Variants in NRXN3 observed in about 807,000 individuals in gnomAD.
NRXN3 encodes the protein neurexin III.
Under a neutral mutation model 137.6 loss-of-function variants are expected in NRXN3, and 32 were observed. That is an observed-to-expected ratio of 0.23 (90% confidence interval 0.18 to 0.31). NRXN3 has a LOEUF of 0.31. Ranked by LOEUF, NRXN3 falls within the 10% of genes least tolerant of loss-of-function variation. The pLI, the probability that NRXN3 is intolerant of heterozygous loss-of-function variation, is 1.00. For synonymous variants in NRXN3, 798 were observed against 784.5 expected, an observed-to-expected ratio of 1.02 and a Z score of -0.29; for missense variants, 1,574 against 2,062.5, an observed-to-expected ratio of 0.76 and a Z score of 4.59.
chr14:78,956,353 A>T (rs1264207463), intron 10 of NRXN3, among the ~76,000 whole-genome samples: 1 of 152,178 alleles, frequency 6.6e-6, no homozygotes, highest in East Asian at 1.9e-4. Context: ...TAACTGGATC[A>T]TTTTAATGCC....
At chr14:78,690,601 A>C (rs954274596) in intron 6 of NRXN3, among the ~76,000 whole-genome samples, 2 of 152,198 alleles carry the variant, frequency 1.3e-5, no homozygotes, top group African/African-American at 2.4e-5. Flanking sequence ...TCTTAAATAG[A>C]ACCAGTGTCA....
At chr14:79,733,548 A>G (rs2098931483) in intron 19 of NRXN3, among the ~76,000 whole-genome samples, 1 of 152,134 alleles carries the variant, frequency 6.6e-6, no homozygotes, top group Non-Finnish European at 1.5e-5. Flanking sequence ...ATCACTTAAC[A>G]CGATCGGAGG....
At chr14:78,778,525 A>G (rs1322576321) in intron 8 of NRXN3, among the ~76,000 whole-genome samples, 2 of 152,174 alleles carry the variant, frequency 1.3e-5, no homozygotes, top group Non-Finnish European at 1.5e-5. Flanking sequence ...AGCAGATCTG[A>G]AATAGAAATA....
intron 2 of NRXN3, among the ~76,000 whole-genome samples, chr14:78,264,004 C>T (rs990383306): frequency 5.9e-5 from 9 of 151,774 alleles, no homozygotes; most frequent in African/African-American, 2.2e-4. Context: ...CAACTAACGT[C>T]AGTCCCTTTC....
intron 16 of NRXN3, among the ~76,000 whole-genome samples, chr14:79,610,083 A>T (rs2098080569): frequency 6.6e-6 from 1 of 152,204 alleles, no homozygotes; most frequent in Admixed American, 6.5e-5. Flanking sequence ...TGTATCCCAG[A>T]ACTTAAAGTA....
chr14:78,834,244 T>C (rs563469858), intron 10 of NRXN3, among the ~76,000 whole-genome samples: 94 of 152,258 alleles, frequency 6.2e-4, no homozygotes, highest in African/African-American at 2.2e-3. Flanking sequence ...GATTCCGTTA[T>C]GTATTGCAAA....
intron 16 of NRXN3, among the ~76,000 whole-genome samples, chr14:79,656,339 C>A (rs1286465501): frequency 6.6e-6 from 1 of 152,232 alleles, no homozygotes; most frequent in Admixed American, 6.5e-5. Context: ...AGGGCTGGGG[C>A]ACCTATGGAA....
intron 15 of NRXN3, among the ~76,000 whole-genome samples, chr14:79,175,278 C>A (rs751299782): frequency 6.6e-6 from 1 of 152,038 alleles, no homozygotes; most frequent in Non-Finnish European, 1.5e-5. Context: ...CCGTGCCCAG[C>A]CCAGATTTCT....
chr14:79,636,320 A>C (rs958922714), intron 16 of NRXN3, among the ~76,000 whole-genome samples: 3 of 152,200 alleles, frequency 2.0e-5, no homozygotes, highest in African/African-American at 7.2e-5. Context: ...ATATATTGTC[A>C]CCAATATGCT....
At chr14:79,609,856 CCAAA>C (rs1365871147) in intron 16 of NRXN3, among the ~76,000 whole-genome samples, 1 of 151,832 alleles carries the variant, frequency 6.6e-6, no homozygotes, top group African/African-American at 2.4e-5. Context: ...GAACAGAAAA[CCAAA>C]CACCATGTGG....
Position 79,737,759 on chromosome 14 carries a change from A to G in NRXN3, c.4014+39822A>G, listed in dbSNP as rs142034646. ...TTTTTTTTTAAGTCAGGGTCTCCCT[A>G]TATTGCCATGCTGGTCTCAAACTCC... On this transcript the variant is annotated intron_variant, in intron 19 of 20. Coordinates refer to ENST00000335750, the MANE Select transcript of NRXN3 (RefSeq NM_001330195.2). Among the ~76,000 whole-genome samples, 13 of 150,810 alleles carry G rather than the reference A, an allele frequency of 8.6e-5. No homozygotes were observed. In the East Asian group the frequency reaches 2.4e-3, roughly 27 times the overall value.
intron 4 of NRXN3, among the ~76,000 whole-genome samples, chr14:78,475,256 G>C (rs2095358812): frequency 6.6e-6 from 1 of 152,024 alleles, no homozygotes; most frequent in Non-Finnish European, 1.5e-5. Context: ...TAAGCTCTTA[G>C]AGGTAGGACC....
chr14:78,554,714 G>T (rs564627172), intron 4 of NRXN3, among the ~76,000 whole-genome samples: 25 of 152,190 alleles, frequency 1.6e-4, no homozygotes, highest in Non-Finnish European at 2.9e-4. Flanking sequence ...GGATGCTCAT[G>T]TTACCAGGAA....
At chr14:79,005,846 G>C (rs916904887) in intron 15 of NRXN3, among the ~76,000 whole-genome samples, 1 of 151,306 alleles carries the variant, frequency 6.6e-6, no homozygotes, top group East Asian at 1.9e-4. Flanking sequence ...GAACAGTGTC[G>C]GTCCTCAAAA....
At chr14:78,505,471 G>A (rs1162919985) in intron 4 of NRXN3, among the ~76,000 whole-genome samples, 1 of 152,070 alleles carries the variant, frequency 6.6e-6, no homozygotes, top group Non-Finnish European at 1.5e-5. Context: ...AAGAAGACCT[G>A]CCTCTTCTAA....
intron 15 of NRXN3, among the ~76,000 whole-genome samples, chr14:79,287,719 CA>C (rs1448121251): frequency 1.3e-5 from 2 of 152,160 alleles, no homozygotes; most frequent in Admixed American, 1.3e-4. Context: ...GGTCCTGATA[CA>C]TAGATTTTGC....
intron 19 of NRXN3, among the ~76,000 whole-genome samples, chr14:79,741,631 T>G (rs770325716): frequency 6.6e-6 from 1 of 152,014 alleles, no homozygotes; most frequent in Admixed American, 6.6e-5. Context: ...ATTACAGGTG[T>G]GCATCACCAC....
chr14:79,534,613 A>C (rs1362670967), intron 16 of NRXN3, among the ~76,000 whole-genome samples: 2 of 152,160 alleles, frequency 1.3e-5, no homozygotes, highest in Non-Finnish European at 2.9e-5. Context: ...TTAAAAACAG[A>C]TTCATGGGAG....
At chr14:78,677,305 G>A (rs1437212660) in intron 6 of NRXN3, among the ~76,000 whole-genome samples, 2 of 152,118 alleles carry the variant, frequency 1.3e-5, no homozygotes, top group African/African-American at 4.8e-5. Flanking sequence ...TTTGGAAGAA[G>A]TTGATTCCAG....
Sources: allele counts gnomAD v4.1 joint callset (sites outside exome capture counted in the v4.1 genomes callset), GRCh38; gene constraint gnomAD v4.1.1; transcripts MANE v1.5; gene names NCBI Gene and HGNC (gene_info 2026-07-23, HGNC 2026-07-21).